Variants in ANKS1B observed in about 807,000 individuals in gnomAD.
ANKS1B encodes the protein ankyrin repeat and sterile alpha motif domain-containing protein 1B.
A neutral mutation model predicts 148.3 loss-of-function variants in ANKS1B; 36 were observed. The observed-to-expected ratio is 0.24, with a 90% CI of 0.19 to 0.32. The LOEUF (loss-of-function observed/expected upper bound fraction) is 0.32. Among genes scored for constraint, ANKS1B ranks in the 10% least tolerant of loss-of-function variants. The pLI is 1.00. For synonymous variants in ANKS1B, 542 were observed against 560.8 expected (o/e 0.97, Z 0.47); for missense variants, 1,157 against 1,542.6 (o/e 0.75, Z 4.19).
intron 1 of ANKS1B, among the ~76,000 whole-genome samples, chr12:99,829,042 C>T (rs1318728189): frequency 6.6e-6 from 1 of 151,886 alleles, no homozygotes; most frequent in East Asian, 1.9e-4. Context: ...AAAAAAAAGG[C>T]AAAGATATAG....
intron 17 of ANKS1B, among the ~76,000 whole-genome samples, chr12:98,884,635 T>A (rs1026581188): frequency 1.3e-5 from 2 of 150,370 alleles, no homozygotes; most frequent in African/African-American, 4.9e-5. Context: ...CCGTCTCTAC[T>A]AAAAATACAA....
chr12:99,206,673 A>G (rs111553480), intron 14 of ANKS1B, among the ~76,000 whole-genome samples: 2,489 of 152,220 alleles, frequency 0.016, 65 homozygotes, highest in African/African-American at 0.056. Flanking sequence ...TCTTTTTTAG[A>G]GCTATCCATA....
At chr12:99,316,329 C>G (rs1300374511) in intron 12 of ANKS1B, among the ~76,000 whole-genome samples, 1 of 151,886 alleles carries the variant, frequency 6.6e-6, no homozygotes, top group East Asian at 1.9e-4. Flanking sequence ...CTCTCCAGCA[C>G]CTGTTGTTTC....
intron 12 of ANKS1B, among the ~76,000 whole-genome samples, chr12:99,314,060 T>G (rs2083614021): frequency 6.6e-6 from 1 of 152,146 alleles, no homozygotes; most frequent in South Asian, 2.1e-4. Flanking sequence ...ATAAGCAACT[T>G]CAGCAAAGTC....
intron 14 of ANKS1B, among the ~76,000 whole-genome samples, chr12:99,211,913 C>T (rs11109760): frequency 0.29 from 44,761 of 152,012 alleles, 8,032 homozygotes; most frequent in East Asian, 0.52. Context: ...GGTGAAGTGA[C>T]AAGAAATATT....
rs145569729 is a variant in ANKS1B at position 99,239,660 on chromosome 12, C to G, written c.2419+4682G>C. ...ATGAAGGAAAAAATGTTAAGGGCAGCCAGAGAGAAAGGTTGGGTTACCCAC... is the reference window on the plus strand; with the variant it reads ...ATGAAGGAAAAAATGTTAAGGGCAGGCAGAGAGAAAGGTTGGGTTACCCAC... On this transcript the variant is annotated intron_variant, in intron 14 of 26. Transcript: ENST00000683438. 3.8e-3 allele frequency among the ~76,000 whole-genome samples: 577 copies of G among 152,180 alleles called. 5 individuals are homozygous for G. The highest frequency in any genetic ancestry group is 0.013 in the African/African-American group (541 of 41,510).
At chr12:99,742,084 C>T (rs986892953) in intron 8 of ANKS1B, among the ~76,000 whole-genome samples, 1 of 151,550 alleles carries the variant, frequency 6.6e-6, no homozygotes, top group African/African-American at 2.4e-5. Context: ...CGGAACAATA[C>T]ACACTGGAGC....
intron 14 of ANKS1B, among the ~76,000 whole-genome samples, chr12:99,223,753 C>A (rs920225672): frequency 3.9e-5 from 6 of 152,192 alleles, no homozygotes; most frequent in Admixed American, 3.3e-4. Flanking sequence ...GCTGGCCTGT[C>A]TGCCTTCAGG....
At chr12:98,824,288 A>G (rs1470458869) in intron 19 of ANKS1B, among the ~76,000 whole-genome samples, 5 of 152,240 alleles carry the variant, frequency 3.3e-5, no homozygotes, top group Non-Finnish European at 5.9e-5. Flanking sequence ...AATTAAAATA[A>G]TAAAAGAAAA....
At chr12:98,983,784 G>A (rs1338523162) in intron 17 of ANKS1B, among the ~76,000 whole-genome samples, 3 of 152,190 alleles carry the variant, frequency 2.0e-5, no homozygotes, top group Non-Finnish European at 4.4e-5. Context: ...ATCCAGTGGA[G>A]CAAAACTGGT....
At chr12:98,877,335 C>T (rs1189032612) in intron 17 of ANKS1B, among the ~76,000 whole-genome samples, 1 of 152,186 alleles carries the variant, frequency 6.6e-6, no homozygotes, top group Non-Finnish European at 1.5e-5. Context: ...CTGCTGCCAA[C>T]ATTACCAGCT....
chr12:98,821,837 G>A (rs776819214), intron 19 of ANKS1B, among the ~76,000 whole-genome samples: 4 of 151,728 alleles, frequency 2.6e-5, no homozygotes, highest in African/African-American at 7.3e-5. Context: ...TGAACTCCTG[G>A]CCTCAAGTGA....
chr12:99,112,819 C>T (rs773567324), intron 15 of ANKS1B, among the ~76,000 whole-genome samples: 3 of 152,284 alleles, frequency 2.0e-5, no homozygotes, highest in African/African-American at 2.4e-5. Flanking sequence ...CTTTCCATGT[C>T]GTCCTGTTTG....
At chr12:98,742,973 C>CCTAT (rs1315482808), downstream of ANKS1B, among the ~76,000 whole-genome samples, 13 of 152,098 alleles carry the variant, frequency 8.5e-5, no homozygotes, top group Middle Eastern at 3.2e-3. Context: ...GATCGACTAG[C>CCTAT]CTATCTAAAA....
At chr12:99,048,938 G>A (rs1390398901) in intron 17 of ANKS1B, 1 of 152,170 alleles carries the variant, frequency 6.6e-6, no homozygotes, top group African/African-American at 2.4e-5. Context: ...TGTCCTGAAG[G>A]CTTGTGGGGA....
At chr12:99,827,448 G>A (rs1276207817) in intron 1 of ANKS1B, among the ~76,000 whole-genome samples, 2 of 152,134 alleles carry the variant, frequency 1.3e-5, no homozygotes, top group African/African-American at 4.8e-5. Flanking sequence ...ATGAACAAGT[G>A]TAGAGGTCTA....
intron 9 of ANKS1B, among the ~76,000 whole-genome samples, chr12:99,516,939 G>C (rs1383736659): frequency 6.6e-6 from 1 of 152,020 alleles, no homozygotes; most frequent in Non-Finnish European, 1.5e-5. Flanking sequence ...TTTGAATCCA[G>C]GTAACGTGAT....
At chr12:99,021,584 T>C (rs1257130270) in intron 17 of ANKS1B, among the ~76,000 whole-genome samples, 2 of 152,124 alleles carry the variant, frequency 1.3e-5, no homozygotes, top group African/African-American at 4.8e-5. Context: ...CAATAAGGTA[T>C]AAAAGTAAAG....
intron 10 of ANKS1B, among the ~76,000 whole-genome samples, chr12:99,492,733 G>A (rs2096566962): frequency 6.6e-6 from 1 of 152,056 alleles, no homozygotes. Context: ...TGGGATGCAA[G>A]GTAGGTTCAA....
Sources: gnomAD v4.1 joint callset for allele counts (sites outside exome capture counted in the v4.1 genomes callset) on GRCh38, gnomAD v4.1.1 for gene constraint, MANE v1.5 for transcripts, NCBI Gene and HGNC (gene_info 2026-07-23, HGNC 2026-07-21) for gene names.